The following CLEC16A variants were observed in gnomAD, a reference collection of about 807,000 sequenced individuals.
The protein encoded by CLEC16A is protein CLEC16A.
CLEC16A carries 51 observed loss-of-function variants against 109.5 expected under a neutral mutation model. That is an observed-to-expected ratio of 0.47 (90% CI 0.37 to 0.59). The LOEUF (loss-of-function observed/expected upper bound fraction) is 0.59, where lower values mean the gene tolerates loss of function less well. CLEC16A is among the 20% of genes least tolerant of loss of function. The pLI, the probability that CLEC16A is intolerant of heterozygous loss-of-function variation, is 0.00. For missense variants in CLEC16A, 1,339 were observed against 1,394.0 expected (o/e 0.96, Z 0.63); for synonymous variants, 673 against 564.2 (o/e 1.19, Z -2.73).
intron 22 of CLEC16A, among the ~76,000 whole-genome samples, chr16:11,146,662 T>C (rs891282596): frequency 2.7e-5 from 4 of 147,910 alleles, no homozygotes; most frequent in Non-Finnish European, 5.9e-5. Context: ...GATAGAAGCC[T>C]GGATAGATAG....
At position 11,024,859 on chromosome 16, in the gene CLEC16A, C is replaced by G. The variant is rs780397390; in HGVS notation, c.1475C>G (p.Pro492Arg). The G allele has an allele frequency of 6.2e-7, 1 of 1,609,118 alleles. No homozygotes were observed. The highest frequency in any genetic ancestry group is 8.5e-7 in the Non-Finnish European group (1 of 1,177,828). ...ATGGTGTACCACGCGCTGGACAGCC[C>G]GGATGATGATTACCATGCCCTGTTC... The part of the protein sequence containing the change: ...LDMVYHALDS[P>R]DDDYHALFVL... The change falls in exon 13 of 24, where the codon CCG becomes CGG. Residue 492 changes from proline to arginine, a missense_variant. Physicochemically the swap from Pro to Arg is moderately radical, Grantham distance 103. Around this residue, in one of 3 missense-constraint regions of CLEC16A, gnomAD observed 1,061 missense variants for 1,006.8 expected, o/e 1.05. Coordinates refer to ENST00000409790, the MANE Select transcript of CLEC16A (RefSeq NM_015226.3).
intron 3 of CLEC16A, among the ~76,000 whole-genome samples, chr16:10,966,645 A>G (rs2042522800): frequency 6.6e-6 from 1 of 152,342 alleles, no homozygotes; most frequent in East Asian, 1.9e-4. Flanking sequence ...ACTTACAATC[A>G]TGGCAGAAGG....
intron 9 of CLEC16A, 76 bp downstream of exon 9, chr16:10,979,458 C>A: frequency 7.8e-7 from 1 of 1,276,668 alleles, no homozygotes; most frequent in South Asian, 1.3e-5. Flanking sequence ...AGAAAATCCC[C>A]AGGCCTTATC....
At chr16:11,111,458 C>T (rs544699523) in intron 19 of CLEC16A, among the ~76,000 whole-genome samples, 2 of 152,282 alleles carry the variant, frequency 1.3e-5, no homozygotes, top group Non-Finnish European at 1.5e-5. Flanking sequence ...GCATCACTTC[C>T]ATTGGTACTC....
At chr16:10,944,870 C>T in intron 1 of CLEC16A, 73 bp downstream of exon 1, 3 of 1,403,200 alleles carry the variant, frequency 2.1e-6, no homozygotes, top group Non-Finnish European at 9.8e-7. Context: ...CGGGTCGGGG[C>T]TCTAGGAGGC....
chr16:10,950,453 C>G (rs1262308350), intron 1 of CLEC16A, among the ~76,000 whole-genome samples: 1 of 152,226 alleles, frequency 6.6e-6, no homozygotes, highest in Non-Finnish European at 1.5e-5. Context: ...ATGACTTTCT[C>G]TAGGGCTAAA....
Position 11,049,541 on chromosome 16 carries a change from T to C in CLEC16A, c.1867-1972T>C, listed in dbSNP as rs986197873. On this transcript the variant is annotated intron_variant, in intron 17 of 23. Coordinates refer to ENST00000409790, the MANE Select transcript of CLEC16A (RefSeq NM_015226.3). Reference sequence around the variant, plus strand: ...TGTATTGTGTGTCCTATACAATGCCTGGCATTCCAGAGAAATACAAAGGTG... The same window carrying C: ...TGTATTGTGTGTCCTATACAATGCCCGGCATTCCAGAGAAATACAAAGGTG... Among the ~76,000 whole-genome samples the C allele has an allele frequency of 5.3e-5, 8 of 152,234 alleles. No individual in the cohort carries two copies. In the East Asian group the frequency reaches 1.3e-3, roughly 26 times the overall value.
intron 19 of CLEC16A, among the ~76,000 whole-genome samples, chr16:11,113,949 A>T (rs1209170590): frequency 2.6e-5 from 4 of 152,166 alleles, no homozygotes; most frequent in African/African-American, 4.8e-5. Flanking sequence ...TTAATAAATA[A>T]TGCTAATTTG....
At chr16:11,112,639 T>C (rs1407547964) in intron 19 of CLEC16A, among the ~76,000 whole-genome samples, 1 of 152,186 alleles carries the variant, frequency 6.6e-6, no homozygotes, top group East Asian at 1.9e-4. Context: ...CAGTCCAGCC[T>C]GGGTGACAGA....
chr16:11,114,127 C>T, intron 19 of CLEC16A, among the ~76,000 whole-genome samples: 1 of 80,712 alleles, frequency 1.2e-5, no homozygotes, highest in East Asian at 4.1e-4. Context: ...ATGAGGATGG[C>T]CGTGTGTGTG....
chr16:11,020,850 A>T (rs560434089), intron 12 of CLEC16A, among the ~76,000 whole-genome samples: 1 of 152,254 alleles, frequency 6.6e-6, no homozygotes, highest in African/African-American at 2.4e-5. Flanking sequence ...CATCTTCTTA[A>T]ACCTGGGTGA....
chr16:11,129,467 C>T (rs1327053799), intron 22 of CLEC16A, among the ~76,000 whole-genome samples: 1 of 152,218 alleles, frequency 6.6e-6, no homozygotes, highest in Non-Finnish European at 1.5e-5. Flanking sequence ...AGCATGCATT[C>T]TGTGGCCTCT....
At chr16:11,097,589 C>T (rs1445889945) in intron 19 of CLEC16A, among the ~76,000 whole-genome samples, 5 of 152,100 alleles carry the variant, frequency 3.3e-5, no homozygotes, top group East Asian at 1.9e-4. Context: ...AATTAACTCC[C>T]GGGGATGTTA....
At chr16:11,023,462 A>G (rs1049906919) in intron 12 of CLEC16A, among the ~76,000 whole-genome samples, 1 of 152,200 alleles carries the variant, frequency 6.6e-6, no homozygotes, top group East Asian at 1.9e-4. Flanking sequence ...TGGCAAAACT[A>G]TTAACACATC....
At chr16:11,100,045 C>G (rs1364772506) in intron 19 of CLEC16A, among the ~76,000 whole-genome samples, 2 of 152,104 alleles carry the variant, frequency 1.3e-5, no homozygotes, top group Admixed American at 1.3e-4. Context: ...GGTGGCTCTG[C>G]CTATGACACA....
intron 1 of CLEC16A, among the ~76,000 whole-genome samples, chr16:10,955,473 A>G (rs1234245497): frequency 1.3e-5 from 2 of 152,116 alleles, no homozygotes; most frequent in Non-Finnish European, 2.9e-5. Context: ...TGAGGAGGGA[A>G]CAATTAAATC....
intron 19 of CLEC16A, among the ~76,000 whole-genome samples, chr16:11,086,514 A>G (rs1173284511): frequency 6.6e-6 from 1 of 152,092 alleles, no homozygotes; most frequent in African/African-American, 2.4e-5. Context: ...TCAGATGGGG[A>G]TGGTGAGAGC....
intron 19 of CLEC16A, among the ~76,000 whole-genome samples, chr16:11,077,011 A>T (rs751296360): frequency 6.6e-6 from 1 of 152,210 alleles, no homozygotes; most frequent in Non-Finnish European, 1.5e-5. Flanking sequence ...CTTAGGAAGC[A>T]CCTGAAATCA....
rs528519627 is a variant in CLEC16A, at chr16:11,053,536, A to C, written c.1995+1895A>C. ...CAGGTGTGTGCCACCACACTCGGCT[A>C]ATTTTTGTATTTTTTGTAGAAATGG... On this transcript the variant is annotated intron_variant, in intron 18 of 23. Coordinates refer to ENST00000409790, the MANE Select transcript of CLEC16A (RefSeq NM_015226.3). Among the ~76,000 whole-genome samples, 508 of 151,990 alleles carry C rather than the reference A, an allele frequency of 3.3e-3. 5 individuals carry two copies. The highest frequency in any genetic ancestry group is 5.7e-3 in the Non-Finnish European group (384 of 67,962).
Sources: allele counts gnomAD v4.1 joint callset (sites outside exome capture counted in the v4.1 genomes callset), GRCh38; gene constraint gnomAD v4.1.1; regional missense constraint gnomAD v4.1.1; transcripts MANE v1.5; gene names NCBI Gene and HGNC (gene_info 2026-07-23, HGNC 2026-07-21).